CDH9: variants seen among roughly 807,000 people sequenced by gnomAD.
CDH9 encodes cadherin 9, also known as cadherin-9.
In CDH9, 28 loss-of-function variants were observed where a neutral mutation model predicts 70.9. That is an observed-to-expected ratio of 0.40 (90% confidence interval 0.29 to 0.54). The LOEUF is 0.54. CDH9 is among the 20% of genes least tolerant of loss of function. The pLI is 0.59. For synonymous variants in CDH9, 409 were observed against 343.1 expected (o/e 1.19, Z -2.12); for missense variants, 874 against 984.4 (o/e 0.89, Z 1.50).
At chr5:26,951,291 CAAAAA>C (rs796799417) in intron 2 of CDH9, among the ~76,000 whole-genome samples, 1,190 of 86,040 alleles carry the variant, frequency 0.014, 12 homozygotes, top group African/African-American at 0.062. Flanking sequence ...GACTCTGTCT[CAAAAA>C]AAAAAAAAAA....
intron 2 of CDH9, among the ~76,000 whole-genome samples, chr5:26,956,576 T>A (rs1456826165): frequency 6.6e-6 from 1 of 152,182 alleles, no homozygotes; most frequent in African/African-American, 2.4e-5. Flanking sequence ...ATGGTTTGAA[T>A]ATTTGTTCCC....
At chr5:26,988,992 A>G in intron 1 of CDH9, among the ~76,000 whole-genome samples, 1 of 152,090 alleles carries the variant, frequency 6.6e-6, no homozygotes, top group African/African-American at 2.4e-5. Context: ...TTTTTCCAAC[A>G]ATTAATCTAG....
chr5:26,952,634 CAAAAAAAA>C (rs35876875), intron 2 of CDH9, among the ~76,000 whole-genome samples: 1 of 57,832 alleles, frequency 1.7e-5, no homozygotes, highest in African/African-American at 6.3e-5. Flanking sequence ...GACTCCGTCT[CAAAAAAAA>C]AAAAAAAAAA....
At chr5:26,941,485 T>C (rs1247179930) in intron 2 of CDH9, among the ~76,000 whole-genome samples, 1 of 152,220 alleles carries the variant, frequency 6.6e-6, no homozygotes, top group African/African-American at 2.4e-5. Context: ...AGCTGCTCCC[T>C]GTCATTGTGA....
intron 7 of CDH9, among the ~76,000 whole-genome samples, chr5:26,898,969 T>G (rs1027439652): frequency 6.6e-6 from 1 of 151,844 alleles, no homozygotes; most frequent in African/African-American, 2.4e-5. Flanking sequence ...TTAAACAAAT[T>G]TACAAGAAAA....
At chr5:26,957,960 C>T (rs1163159459) in intron 2 of CDH9, among the ~76,000 whole-genome samples, 1 of 152,106 alleles carries the variant, frequency 6.6e-6, no homozygotes, top group African/African-American at 2.4e-5. Flanking sequence ...CATTCAGTTT[C>T]ACATTTATTG....
At chr5:27,002,500 G>A (rs538752350) in intron 1 of CDH9, among the ~76,000 whole-genome samples, 1 of 152,252 alleles carries the variant, frequency 6.6e-6, no homozygotes, top group African/African-American at 2.4e-5. Flanking sequence ...ATTCACAATA[G>A]CAAAGACTTG....
intron 7 of CDH9, among the ~76,000 whole-genome samples, chr5:26,899,362 C>T (rs913297289): frequency 2.0e-5 from 3 of 152,154 alleles, no homozygotes; most frequent in African/African-American, 7.2e-5. Context: ...TATAAAGACA[C>T]ATGCACACTT....
chr5:26,957,488 C>A (rs967361591), intron 2 of CDH9, among the ~76,000 whole-genome samples: 2 of 151,882 alleles, frequency 1.3e-5, no homozygotes, highest in South Asian at 2.1e-4. Flanking sequence ...ATGGTGAAAC[C>A]CTGTCTCTAC....
chr5:26,945,235 G>T (rs1322786870), intron 2 of CDH9, among the ~76,000 whole-genome samples: 1 of 148,988 alleles, frequency 6.7e-6, no homozygotes, highest in Non-Finnish European at 1.5e-5. Context: ...TGAACCAATT[G>T]CATGACTAAT....
chr5:26,887,500 C>T (rs1334265343), intron 9 of CDH9, among the ~76,000 whole-genome samples: 1 of 150,284 alleles, frequency 6.7e-6, no homozygotes, highest in Non-Finnish European at 1.5e-5. Context: ...TACTTAATTT[C>T]TATAAAATAT....
In CDH9 at chr5:26,919,683, G is replaced by A. The variant is rs559467677; in HGVS notation, c.229-3759C>T. Among the ~76,000 whole-genome samples, 18 of 152,194 alleles carry A rather than the reference G, an allele frequency of 1.2e-4. 1 individual carries two copies. The South Asian group carries it at 3.5e-3, about 30-fold the overall frequency. The stretch of plus-strand genomic sequence containing the variant: ...GATCTTTTCCTCTGCTTGAAAATAG[G>A]AGGTGGGAGGGGAAAGAGGATTTTG... On this transcript the variant is annotated intron_variant, in intron 2 of 11. Coordinates refer to ENST00000231021, the MANE Select transcript of CDH9 (RefSeq NM_016279.4).
chr5:26,996,045 A>G (rs975112763), intron 1 of CDH9, among the ~76,000 whole-genome samples: 1 of 152,036 alleles, frequency 6.6e-6, no homozygotes, highest in Non-Finnish European at 1.5e-5. Flanking sequence ...GATTTTCAGC[A>G]TATAAAATGC....
intron 2 of CDH9, among the ~76,000 whole-genome samples, chr5:26,920,789 TGA>T (rs1277487693): frequency 6.6e-6 from 1 of 152,220 alleles, no homozygotes; most frequent in Non-Finnish European, 1.5e-5. Flanking sequence ...CATTAATTAC[TGA>T]GCCTGGGATT....
chr5:26,985,784 C>T (rs531950717), intron 2 of CDH9, among the ~76,000 whole-genome samples: 1 of 151,944 alleles, frequency 6.6e-6, no homozygotes, highest in African/African-American at 2.4e-5. Flanking sequence ...TGAGGTCTAC[C>T]CAGGGAGACC....
At chr5:27,019,849 A>T (rs1414280806) in intron 1 of CDH9, among the ~76,000 whole-genome samples, 6 of 151,922 alleles carry the variant, frequency 3.9e-5, no homozygotes, top group Non-Finnish European at 5.9e-5. Flanking sequence ...ATTTCTCTAC[A>T]TGCAAAATTC....
At chr5:26,902,399 C>CCATTT (rs1740871684) in intron 7 of CDH9, 77 bp downstream of exon 7, 1 of 971,182 alleles carries the variant, frequency 1.0e-6, no homozygotes, top group African/African-American at 1.6e-5. Flanking sequence ...CATTGTGCAA[C>CCATTT]CATTTTTTCA....
intron 1 of CDH9, among the ~76,000 whole-genome samples, chr5:27,035,517 T>A (rs1215894804): frequency 6.6e-6 from 1 of 151,768 alleles, no homozygotes; most frequent in Non-Finnish European, 1.5e-5. Context: ...GAAATCAATG[T>A]CCTTTGGATT....
At chr5:27,013,037 C>G (rs189091865) in intron 1 of CDH9, among the ~76,000 whole-genome samples, 6 of 151,950 alleles carry the variant, frequency 3.9e-5, no homozygotes, top group Admixed American at 3.9e-4. Flanking sequence ...CTAAGTGCCT[C>G]ACAGTTTGCA....
Sources: gnomAD v4.1 joint callset for allele counts (sites outside exome capture counted in the v4.1 genomes callset) on GRCh38, gnomAD v4.1.1 for gene constraint, MANE v1.5 for transcripts, NCBI Gene and HGNC (gene_info 2026-07-23, HGNC 2026-07-21) for gene names.